The following AGBL1 variants were observed in gnomAD, a reference collection of about 807,000 sequenced individuals.
The protein encoded by AGBL1 is cytosolic carboxypeptidase 4.
In AGBL1, 130 loss-of-function variants were observed where a neutral mutation model predicts 118.9. The observed-to-expected ratio is 1.09, with a 90% CI of 0.95 to 1.26. The LOEUF is 1.26. AGBL1 is among the 50% of genes most tolerant of loss of function. The pLI, the probability that AGBL1 is intolerant of heterozygous loss-of-function variation, is 0.00. For synonymous variants in AGBL1, 555 were observed against 478.9 expected (o/e 1.16, Z -2.08); for missense variants, 1,584 against 1,298.1 (o/e 1.22, Z -3.38).
At chr15:86,542,192 C>G (rs1383843330) in intron 19 of AGBL1, among the ~76,000 whole-genome samples, 1 of 152,076 alleles carries the variant, frequency 6.6e-6, no homozygotes, top group Non-Finnish European at 1.5e-5. Context: ...TATGCAAAGT[C>G]TCTAGGAGAT....
At chr15:86,841,652 C>G (rs561878827) in intron 22 of AGBL1, among the ~76,000 whole-genome samples, 307 of 152,050 alleles carry the variant, frequency 2.0e-3, no homozygotes, top group African/African-American at 7.2e-3. Context: ...TTGAGACCAG[C>G]CTGACCAACA....
chr15:87,003,291 C>G (rs985093516), intron 24 of AGBL1, among the ~76,000 whole-genome samples: 3 of 151,914 alleles, frequency 2.0e-5, no homozygotes, highest in Non-Finnish European at 4.4e-5. Flanking sequence ...TCTTGATTTG[C>G]GTATGTTGAA....
intron 10 of AGBL1, 112 bp from the exon 11 acceptor site, chr15:86,264,146 A>G: frequency 1.1e-6 from 1 of 914,884 alleles, no homozygotes; most frequent in Non-Finnish European, 1.6e-6. Flanking sequence ...AAGCTTCCAC[A>G]TTCACAGGAT....
intron 1 of AGBL1, among the ~76,000 whole-genome samples, chr15:86,096,304 A>G (rs563038562): frequency 6.6e-6 from 1 of 152,304 alleles, no homozygotes; most frequent in African/African-American, 2.4e-5. Flanking sequence ...ATTAGCAAAT[A>G]TTGGAGAGGT....
chr15:86,167,388 G>C (rs753167264), intron 5 of AGBL1, among the ~76,000 whole-genome samples: 1 of 152,052 alleles, frequency 6.6e-6, no homozygotes, highest in Non-Finnish European at 1.5e-5. Context: ...TGGGATTACA[G>C]GTGCCCACCA....
intron 1 of AGBL1, among the ~76,000 whole-genome samples, chr15:86,109,073 G>A (rs188029184): frequency 1.1e-3 from 160 of 152,282 alleles, no homozygotes; most frequent in African/African-American, 3.7e-3. Flanking sequence ...CTGTAAAATG[G>A]ATATTGGTTG....
intron 22 of AGBL1, among the ~76,000 whole-genome samples, chr15:86,747,841 G>T (rs934252915): frequency 1.3e-5 from 2 of 152,170 alleles, no homozygotes; most frequent in African/African-American, 2.4e-5. Flanking sequence ...CTATTCCATG[G>T]TGTATATGTG....
rs561274651 is a variant in AGBL1, at chr15:86,183,291, A to T, written c.488+24265A>T. 1.2e-3 allele frequency among the ~76,000 whole-genome samples: 190 copies of T among 152,314 alleles called. 1 individual carries two copies. The highest frequency in any genetic ancestry group is 0.01 in the Middle Eastern group (3 of 294). The stretch of plus-strand genomic sequence containing the variant: ...GGTAAATAACACAATTTTTGACTCT[A>T]TGACATATCAGTAAGTTTTTTAATT... On this transcript the variant is annotated intron_variant, in intron 5 of 22. Coordinates refer to ENST00000614907, the MANE Select transcript of AGBL1 (RefSeq NM_001386094.1).
At chr15:86,109,133 G>C (rs1321250386) in intron 1 of AGBL1, among the ~76,000 whole-genome samples, 2 of 152,146 alleles carry the variant, frequency 1.3e-5, no homozygotes, top group East Asian at 3.8e-4. Flanking sequence ...CAACTCCTTG[G>C]TATACTTGGT....
At chr15:86,342,947 A>G (rs74027509) in intron 17 of AGBL1, among the ~76,000 whole-genome samples, 5,362 of 152,336 alleles carry the variant, frequency 0.035, 315 homozygotes, top group African/African-American at 0.12. Context: ...AGCTCACATC[A>G]AACTGGCAAT....
At chr15:86,449,893 G>T (rs1596129548) in intron 18 of AGBL1, among the ~76,000 whole-genome samples, 1 of 152,176 alleles carries the variant, frequency 6.6e-6, no homozygotes. Context: ...CCATGGCTCT[G>T]TAGGCAGAGA....
rs1465445936 is a variant in AGBL1 at position 86,921,317 on chromosome 15, C to T, written c.3222-66670C>T. On this transcript the variant is annotated intron_variant, in intron 23 of 24. Coordinates refer to the AGBL1 transcript ENST00000441037. ...AGAAGAAATTTAGAACAGAAAATGG[C>T]CGTCAGAGTTCAGTCCTCAGTCTCC... Among the ~76,000 whole-genome samples, 6 of 152,240 alleles carry T rather than the reference C, an allele frequency of 3.9e-5. No homozygotes were observed. In the South Asian group the frequency reaches 1.2e-3, roughly 32 times the overall value.
intron 18 of AGBL1, among the ~76,000 whole-genome samples, chr15:86,442,194 G>A (rs1420879987): frequency 6.6e-6 from 1 of 152,216 alleles, no homozygotes; most frequent in African/African-American, 2.4e-5. Flanking sequence ...CATATGGTCA[G>A]GTCAGAAAAA....
chr15:86,396,947 G>T (rs1282334773), intron 17 of AGBL1, among the ~76,000 whole-genome samples: 1 of 152,066 alleles, frequency 6.6e-6, no homozygotes, highest in Non-Finnish European at 1.5e-5. Context: ...TCTGCTTCTT[G>T]GGTTCTTTTC....
At chr15:86,293,499 C>T (rs1294623089) in intron 16 of AGBL1, among the ~76,000 whole-genome samples, 1 of 152,180 alleles carries the variant, frequency 6.6e-6, no homozygotes, top group East Asian at 1.9e-4. Flanking sequence ...GAAAGGGCCT[C>T]TGCTTTTAAT....
intron 5 of AGBL1, among the ~76,000 whole-genome samples, chr15:86,222,690 T>A (rs1205973964): frequency 1.3e-5 from 2 of 152,176 alleles, no homozygotes; most frequent in Non-Finnish European, 2.9e-5. Flanking sequence ...GAAATAAATA[T>A]TTTCTAGTTT....
intron 22 of AGBL1, among the ~76,000 whole-genome samples, chr15:86,708,572 T>C (rs2086495909): frequency 6.6e-6 from 1 of 152,150 alleles, no homozygotes; most frequent in South Asian, 2.1e-4. Context: ...AATTACAATA[T>C]TCCAGAATTA....
chr15:86,427,601 A>G (rs577373065), intron 18 of AGBL1, among the ~76,000 whole-genome samples: 2 of 151,698 alleles, frequency 1.3e-5, no homozygotes, highest in South Asian at 2.1e-4. Context: ...CAAGGTGACC[A>G]TTCATAAAGT....
In AGBL1 at chr15:86,525,313, C is replaced by G. The variant is rs533589496; in HGVS notation, c.2685+2374C>G. Among the ~76,000 whole-genome samples the G allele has an allele frequency of 1.5e-3, 229 of 152,116 alleles. 6 individuals carry two copies. The South Asian group carries it at 0.046, about 31-fold the overall frequency. ...GGAAGAATCAATATTTTGAAAATCA[C>G]CATATTTCCCAAAGTGATCTACAGA... is the stretch of plus-strand genomic sequence containing the variant. On this transcript the variant is annotated intron_variant, in intron 19 of 22. Coordinates refer to ENST00000614907, the MANE Select transcript of AGBL1 (RefSeq NM_001386094.1).
Sources: gnomAD v4.1 joint callset for allele counts (sites outside exome capture counted in the v4.1 genomes callset) on GRCh38, gnomAD v4.1.1 for gene constraint, MANE v1.5 for transcripts, NCBI Gene and HGNC (gene_info 2026-07-23, HGNC 2026-07-21) for gene names.